Variants in RABGGTB observed in about 807,000 individuals in gnomAD.
RABGGTB encodes the protein geranylgeranyl transferase type-2 subunit beta.
In RABGGTB, 20 loss-of-function variants were observed where a neutral mutation model predicts 44.5. The ratio of observed to expected loss-of-function variants is 0.45; its 90% CI spans 0.32 to 0.65. The LOEUF is 0.65. Ranked by LOEUF, RABGGTB falls within the 30% of genes least tolerant of loss-of-function variation. RABGGTB has a pLI of 0.05. For synonymous variants in RABGGTB, 128 were observed against 136.7 expected, an observed-to-expected ratio of 0.94 and a Z score of 0.44; for missense variants, 302 against 398.7, an observed-to-expected ratio of 0.76 and a Z score of 2.06.
chr1:75,790,647 A>G, intron 4 of RABGGTB: 1 of 288,510 alleles, frequency 3.5e-6, no homozygotes, highest in Non-Finnish European at 5.2e-6. Flanking sequence ...TTTTTGTGGC[A>G]GGGTCTTGGC....
chr1:75,789,167 T>C lies in RABGGTB; in HGVS notation c.120T>C (p.Cys40=). ...ATTGTGTATTATTTTAGGAATACTG[T>C]ATGTCTGAGTATTTGAGAATGAGTG... ...YGSKKDDYEY[C]MSEYLRMSGI... Residue 40 remains cysteine (C), a synonymous_variant, in exon 3 of 9, where the codon TGT becomes TGC. Coordinates refer to ENST00000319942, the MANE Select transcript of RABGGTB (RefSeq NM_004582.4). 6.2e-7 allele frequency: 1 copy of C among 1,612,992 alleles called. No homozygotes were observed. The highest frequency in any genetic ancestry group is 8.5e-7 in the Non-Finnish European group (1 of 1,178,970).
At chr1:75,793,963 A>T in intron 7 of RABGGTB, 121 bp from the exon 8 acceptor site, 5 of 1,049,478 alleles carry the variant, frequency 4.8e-6, no homozygotes, top group Middle Eastern at 3.0e-4. Flanking sequence ...TCGTCCTTCC[A>T]CATGGTTTGA....
intron 8 of RABGGTB, 111 bp from the exon 9 acceptor site, chr1:75,794,399 C>T (rs1046402097): frequency 2.3e-6 from 3 of 1,320,924 alleles, no homozygotes; most frequent in African/African-American, 3.0e-5. Flanking sequence ...ACAGAAATTT[C>T]TTGTCGCTTG....
chr1:75,794,068 CT>C lies in RABGGTB; in HGVS notation c.706-10del. ...ATAAAAGAGAATGAAATTGTGGCAA[CT>C]TTTTTCCCTCCTAGTTACCAGATGT... On this transcript the variant is annotated splice_polypyrimidine_tract_variant and intron_variant, in intron 7 of 8. Coordinates refer to ENST00000319942, the MANE Select transcript of RABGGTB (RefSeq NM_004582.4). The C allele has an allele frequency of 3.9e-6, 6 of 1,543,894 alleles. No homozygotes were observed. The highest frequency in any genetic ancestry group is 5.3e-6 in the Non-Finnish European group (6 of 1,141,564).
chr1:75,786,240 A>T, upstream of RABGGTB: 1 of 1,613,962 alleles, frequency 6.2e-7, no homozygotes, highest in Non-Finnish European at 8.5e-7. Flanking sequence ...CTACCCAGGA[A>T]CTGACCCTGC....
chr1:75,794,626 T>A lies in RABGGTB; in HGVS notation c.972T>A (p.Asn324Lys). 6.2e-7 allele frequency: 1 copy of A among 1,611,234 alleles called. No homozygotes were observed. Among genetic ancestry groups the A allele is most frequent in the Non-Finnish European group, 8.5e-7 (1 of 1,178,382 alleles). The change falls in exon 9 of 9, where the codon AAT (asparagine) becomes AAA (lysine). Residue 324 changes from asparagine to lysine, a missense_variant. By Grantham distance (94) the Asn-to-Lys change is moderately conservative. This residue lies in a region of RABGGTB where 213 missense variants were observed against 323.7 expected (regional missense o/e 0.66). Coordinates refer to ENST00000319942, the MANE Select transcript of RABGGTB (RefSeq NM_004582.4). ...CMPEEVLQRV[N>K]VQPELVS ...CTGAAGAAGTGCTTCAGAGAGTGAA[T>A]GTTCAGCCTGAGCTAGTGAGCTAGA... is the stretch of plus-strand genomic sequence containing the variant.
intron 6 of RABGGTB, 112 bp from the exon 7 acceptor site, chr1:75,792,069 C>A: frequency 4.3e-6 from 4 of 933,290 alleles, no homozygotes; most frequent in Non-Finnish European, 4.7e-6. Flanking sequence ...TTTTAAGTGT[C>A]AGATCAAGAA....
intron 2 of RABGGTB, chr1:75,788,336 C>T (rs1649551627): frequency 6.1e-6 from 1 of 163,368 alleles, no homozygotes; most frequent in African/African-American, 2.4e-5. Flanking sequence ...TATAACCTCA[C>T]TTTGTTGCCC....
At chr1:75,786,343 A>G in intron 1 of RABGGTB, 69 bp downstream of exon 1, 2 of 1,586,676 alleles carry the variant, frequency 1.3e-6, no homozygotes, top group South Asian at 1.1e-5. Context: ...GGTTAAGCAC[A>G]CTGGTCACCT....
rs1346838446 is a variant in RABGGTB, at chr1:75,787,586, C to T, written c.93C>T (p.Gly31=). 2 of 1,611,630 alleles carry T rather than the reference C, an allele frequency of 1.2e-6. No homozygotes were observed. The highest frequency in any genetic ancestry group is 2.2e-5 in the South Asian group (2 of 91,020). The change falls in exon 2 of 9, where the codon GGC becomes GGT. Residue 31 remains glycine, a synonymous_variant. Coordinates refer to ENST00000319942, the MANE Select transcript of RABGGTB (RefSeq NM_004582.4). The part of the protein sequence containing the change: ...EKHADYIASY[G]SKKDDYEYCM... ...ATGCAGATTATATCGCATCCTATGG[C>T]TCAAAGAAAGATGATTATGTATGTA...
intron 1 of RABGGTB, 122 bp from the exon 2 acceptor site, chr1:75,787,375 G>C: frequency 3.9e-6 from 3 of 762,126 alleles, no homozygotes. Context: ...TTTTTAAATG[G>C]AACGTTTTCC....
chr1:75,794,485 T>G lies in RABGGTB; in HGVS notation c.856-25T>G, dbSNP rs760811928. On this transcript the variant is annotated intron_variant, in intron 8 of 8. Coordinates refer to ENST00000319942, the MANE Select transcript of RABGGTB (RefSeq NM_004582.4). Reference sequence around the variant, plus strand: ...TTAAAGAAGTTTTCATTTTGTGATCTGTATATAAATTCTTTTTTAAATAGG... The same window carrying G: ...TTAAAGAAGTTTTCATTTTGTGATCGGTATATAAATTCTTTTTTAAATAGG... The G allele has an allele frequency of 5.7e-6, 9 of 1,584,704 alleles. No homozygotes were observed. In the Admixed American group the frequency reaches 1.6e-4, roughly 28 times the overall value.
chr1:75,787,822 C>A, intron 2 of RABGGTB: 1 of 693,572 alleles, frequency 1.4e-6, no homozygotes, highest in South Asian at 1.5e-5. Context: ...GCTTGCCAGA[C>A]AAAGTAGATG....
intron 1 of RABGGTB, 105 bp from the exon 2 acceptor site, chr1:75,787,392 A>G: frequency 2.3e-6 from 2 of 852,400 alleles, no homozygotes; most frequent in Non-Finnish European, 3.8e-6. Flanking sequence ...TTCCTATTAC[A>G]AGATGAAATC....
upstream of RABGGTB, chr1:75,786,246 C>T (rs775673699): frequency 1.7e-5 from 28 of 1,613,942 alleles, 1 homozygote; most frequent in African/African-American, 4.0e-5. Flanking sequence ...AGGAACTGAC[C>T]CTGCTCTCTC....
At position 75,792,224 on chromosome 1, in the gene RABGGTB, A is replaced by G. The variant is rs1649662900; in HGVS notation, c.623A>G (p.His208Arg). The G allele has an allele frequency of 6.2e-7, 1 of 1,613,760 alleles. No individual in the cohort carries two copies. Among genetic ancestry groups the G allele is most frequent in the South Asian group, 1.1e-5 (1 of 91,078 alleles). Residue 208 changes from histidine to arginine, a missense_variant, in exon 7 of 9, where the codon CAT becomes CGT. Physicochemically the swap from His to Arg is conservative, Grantham distance 29. Coordinates refer to ENST00000319942, the MANE Select transcript of RABGGTB (RefSeq NM_004582.4). ...TGFLAITSQL[H>R]QVNSDLLGWW... is the part of the protein sequence containing the mutation. ...TTTCTGGCAATTACAAGTCAGTTGC[A>G]TCAAGTAAATTCTGATTTACTTGGC...
intron 6 of RABGGTB, chr1:75,791,912 T>C: frequency 2.5e-6 from 1 of 402,832 alleles, no homozygotes; most frequent in Non-Finnish European, 4.4e-6. Context: ...TCTTTTCTTG[T>C]GCCAGAGAAC....
At chr1:75,791,806 C>CA in intron 6 of RABGGTB, 1 of 457,724 alleles carries the variant, frequency 2.2e-6, no homozygotes, top group Non-Finnish European at 3.8e-6. Flanking sequence ...TTATAAGCAC[C>CA]AAAACACTTT....
At chr1:75,791,150 C>A in intron 4 of RABGGTB, 135 bp from the exon 5 acceptor site, 1 of 755,822 alleles carries the variant, frequency 1.3e-6, no homozygotes, top group Non-Finnish European at 2.2e-6. Flanking sequence ...TCAGATTTAG[C>A]TTTCCTCCTG....
Sources: allele counts gnomAD v4.1 joint callset, GRCh38; gene constraint gnomAD v4.1.1; regional missense constraint gnomAD v4.1.1; transcripts MANE v1.5; gene names NCBI Gene and HGNC (gene_info 2026-07-23, HGNC 2026-07-21).